The following QSER1 variants were observed in gnomAD, a reference collection of about 807,000 sequenced individuals.
QSER1 encodes the protein glutamine and serine rich 1.
Under a neutral mutation model 158.5 loss-of-function variants are expected in QSER1, and 49 were observed. The observed-to-expected ratio is 0.31, with a 90% CI of 0.25 to 0.39. The LOEUF (loss-of-function observed/expected upper bound fraction) is 0.39. Among genes scored for constraint, QSER1 ranks in the 10% least tolerant of loss-of-function variants. QSER1 has a pLI of 1.00. For missense variants in QSER1, 1,754 were observed against 2,010.3 expected (o/e 0.87, Z 2.44); for synonymous variants, 650 against 715.5 (o/e 0.91, Z 1.46).
chr11:32,957,777 A>T, intron 7 of QSER1, 92 bp from the exon 8 acceptor site: 1 of 1,022,694 alleles, frequency 9.8e-7, no homozygotes, highest in Non-Finnish European at 1.4e-6. Context: ...GTAATTAGAT[A>T]ATCTTCTCCT....
At chr11:32,913,273 C>T (rs1214865712) in intron 1 of QSER1, among the ~76,000 whole-genome samples, 2 of 142,812 alleles carry the variant, frequency 1.4e-5, no homozygotes, top group South Asian at 2.3e-4. Flanking sequence ...TCACTGCAAG[C>T]TCTGCCTCCT....
Position 32,966,364 on chromosome 11 carries a change from T to G in QSER1, c.5034T>G (p.Phe1678Leu). The G allele has an allele frequency of 6.2e-7, 1 of 1,614,096 alleles. No homozygotes were observed. The highest frequency in any genetic ancestry group is 8.5e-7 in the Non-Finnish European group (1 of 1,179,980). ...ACACAAGAGCAATGAAGGAAACCTTTAAGAGCTACATGGAATTGCTTGTTA... is the reference window on the plus strand; with the variant it reads ...ACACAAGAGCAATGAAGGAAACCTTGAAGAGCTACATGGAATTGCTTGTTA... ...FLNTRAMKET[F>L]KSYMELLVSI... Residue 1678 changes from phenylalanine (F) to leucine (L), a missense_variant, in exon 9 of 13, where the codon TTT (phenylalanine) becomes TTG (leucine). Around this residue, in one of 2 missense-constraint regions of QSER1, gnomAD observed 1,707 missense variants for 1,919.6 expected, o/e 0.89. Transcript: ENST00000650167.
At position 32,977,878 on chromosome 11, in the gene QSER1, A is replaced by C. The variant is rs1291495761; in HGVS notation, c.*1404A>C. The C allele has an allele frequency of 6.6e-6, 1 of 152,594 alleles. No individual in the cohort carries two copies. The highest frequency in any genetic ancestry group is 2.4e-5 in the African/African-American group (1 of 41,438). 9.5% of individuals were successfully genotyped at this position (152,594 alleles called of 1,614,324 possible). A position where few individuals can be genotyped will look rare whatever the true frequency, so the allele number is the denominator to read the frequency against. ...ACCATTTAGTGCCTTAAATCCTATC[A>C]AGAAAGCAGTGTTACTGCTCAATGC... On this transcript the variant is annotated 3_prime_UTR_variant, in exon 13 of 13. Transcript: ENST00000650167.
Position 32,953,706 on chromosome 11 carries a change from A to T in QSER1, c.4178-151A>T, listed in dbSNP as rs1590177849. 4 of 875,646 alleles carry T rather than the reference A, an allele frequency of 4.6e-6. No homozygotes were observed. The East Asian group carries it at 1.1e-4, about 24-fold the overall frequency. The allele number at this position is 875,646 out of a possible 1,614,324, so 54.2% of individuals were successfully genotyped here. On this transcript the variant is annotated intron_variant, in intron 4 of 12. Coordinates refer to ENST00000650167, the MANE Select transcript of QSER1 (RefSeq NM_001076786.3). Reference sequence around the variant, plus strand: ...ACATCTTTGATTCTTGGAAATTAACATCTGTTGTCTAATTTCTTCCTGTGG... The same window carrying T: ...ACATCTTTGATTCTTGGAAATTAACTTCTGTTGTCTAATTTCTTCCTGTGG...
intron 4 of QSER1, among the ~76,000 whole-genome samples, chr11:32,938,586 T>C (rs1852186453): frequency 6.6e-6 from 1 of 152,188 alleles, no homozygotes; most frequent in Non-Finnish European, 1.5e-5. Flanking sequence ...TCCAAATACT[T>C]GTAATATTTT....
intron 1 of QSER1, among the ~76,000 whole-genome samples, chr11:32,912,534 A>G (rs778260312): frequency 6.6e-5 from 10 of 152,144 alleles, no homozygotes; most frequent in Non-Finnish European, 1.3e-4. Flanking sequence ...CTACTAATCA[A>G]TAATTTCTGA....
intron 1 of QSER1, among the ~76,000 whole-genome samples, chr11:32,897,796 G>T (rs1223475534): frequency 1.3e-5 from 2 of 152,146 alleles, no homozygotes; most frequent in Non-Finnish European, 2.9e-5. Flanking sequence ...TGAGCTTAAT[G>T]ATATGCTTTC....
chr11:32,944,750 G>A (rs1473190637), intron 4 of QSER1, among the ~76,000 whole-genome samples: 1 of 137,132 alleles, frequency 7.3e-6, no homozygotes, highest in Non-Finnish European at 1.6e-5. Flanking sequence ...TGTCTATTAG[G>A]TCCACTTGGT....
At chr11:32,929,093 G>GT (rs992552241) in intron 3 of QSER1, among the ~76,000 whole-genome samples, 2 of 151,936 alleles carry the variant, frequency 1.3e-5, no homozygotes, top group African/African-American at 2.4e-5. Flanking sequence ...AGTTTTTGTG[G>GT]TTTTTTAGGT....
intron 1 of QSER1, among the ~76,000 whole-genome samples, chr11:32,913,893 GT>G (rs1009955315): frequency 6.6e-6 from 1 of 152,168 alleles, no homozygotes; most frequent in African/African-American, 2.4e-5. Context: ...CCTGTGGCCT[GT>G]TTGCAGAGCT....
At chr11:32,965,858 T>A (rs1426316677) in intron 8 of QSER1, among the ~76,000 whole-genome samples, 1 of 151,410 alleles carries the variant, frequency 6.6e-6, no homozygotes, top group East Asian at 2.0e-4. Context: ...GGAGAATTGC[T>A]TGAACCTAGG....
intron 10 of QSER1, among the ~76,000 whole-genome samples, chr11:32,972,795 A>T (rs1337492911): frequency 6.6e-6 from 1 of 152,070 alleles, no homozygotes; most frequent in Non-Finnish European, 1.5e-5. Context: ...CTGTCAAAAA[A>T]CCCATCATGC....
At chr11:32,957,752 A>C (rs946040151) in intron 7 of QSER1, 117 bp from the exon 8 acceptor site, 9 of 811,810 alleles carry the variant, frequency 1.1e-5, no homozygotes, top group Middle Eastern at 3.5e-4. Context: ...GTATATTTTG[A>C]AGGTATTGGT....
At chr11:32,916,728 T>G (rs933535004) in intron 1 of QSER1, among the ~76,000 whole-genome samples, 2 of 151,962 alleles carry the variant, frequency 1.3e-5, no homozygotes, top group African/African-American at 4.8e-5. Context: ...TAAGGTATTG[T>G]AAGTTGTACA....
At chr11:32,941,451 A>G (rs938961689) in intron 4 of QSER1, among the ~76,000 whole-genome samples, 1 of 139,040 alleles carries the variant, frequency 7.2e-6, no homozygotes, top group African/African-American at 2.7e-5. Flanking sequence ...CTCACTGTTC[A>G]GTTCCCACCT....
chr11:32,954,951 A>T (rs1361816624), intron 5 of QSER1, among the ~76,000 whole-genome samples: 1 of 152,214 alleles, frequency 6.6e-6, no homozygotes, highest in East Asian at 1.9e-4. Flanking sequence ...TTAATATTTT[A>T]ATGTATTTGT....
intron 4 of QSER1, 145 bp downstream of exon 4, chr11:32,935,580 T>C (rs1356881727): frequency 1.5e-5 from 9 of 595,014 alleles, no homozygotes; most frequent in South Asian, 2.8e-5. Flanking sequence ...TAAGGACTTA[T>C]TTTTTAAATT....
At chr11:32,966,001 GC>G (rs897486722) in intron 8 of QSER1, among the ~76,000 whole-genome samples, 1 of 113,646 alleles carries the variant, frequency 8.8e-6, no homozygotes, top group African/African-American at 2.9e-5. Context: ...CACCTAGGAA[GC>G]TTTTTAAGAG....
In QSER1 at chr11:32,897,930, G is replaced by A. The variant is rs570232049; in HGVS notation, c.209+4596G>A. ...CTCAGTCACTAAGACCTACTGTTTTGAATCTAATGTCTTGAAACTGTCTGC... is the reference window on the plus strand; with the variant it reads ...CTCAGTCACTAAGACCTACTGTTTTAAATCTAATGTCTTGAAACTGTCTGC... On this transcript the variant is annotated intron_variant, in intron 1 of 12. Transcript: ENST00000650167. Among the ~76,000 whole-genome samples the A allele has an allele frequency of 7.9e-5, 12 of 152,276 alleles. No homozygotes were observed. In the South Asian group the frequency reaches 1.2e-3, roughly 16 times the overall value.
Sources: gnomAD v4.1 joint callset for allele counts (sites outside exome capture counted in the v4.1 genomes callset) on GRCh38, gnomAD v4.1.1 for gene constraint, gnomAD v4.1.1 regional missense constraint, MANE v1.5 for transcripts, NCBI Gene and HGNC (gene_info 2026-07-23, HGNC 2026-07-21) for gene names.